The following SDCCAG8 variants were observed in gnomAD, a reference collection of about 807,000 sequenced individuals.
SDCCAG8 encodes SHH signaling and ciliogenesis regulator SDCCAG8, also known as serologically defined colon cancer antigen 8.
Under a neutral mutation model 101.8 loss-of-function variants are expected in SDCCAG8, and 74 were observed. The observed-to-expected ratio is 0.73, with a 90% CI of 0.60 to 0.88. SDCCAG8 has a LOEUF of 0.88. Among genes scored for constraint, SDCCAG8 ranks in the 40% least tolerant of loss-of-function variants. The pLI is 0.00. For missense variants in SDCCAG8, 787 were observed against 822.6 expected (o/e 0.96, Z 0.53); for synonymous variants, 281 against 292.9 (o/e 0.96, Z 0.41).
At chr1:243,447,775 A>C (rs1273009673) in intron 16 of SDCCAG8, among the ~76,000 whole-genome samples, 1 of 152,230 alleles carries the variant, frequency 6.6e-6, no homozygotes, top group Non-Finnish European at 1.5e-5. Flanking sequence ...TTAAAATTTA[A>C]GTTATAGTTC....
At chr1:243,308,254 AG>A in intron 8 of SDCCAG8, 77 bp downstream of exon 8, 2 of 1,401,350 alleles carry the variant, frequency 1.4e-6, no homozygotes, top group Middle Eastern at 1.8e-4. Context: ...GTGTTCTTCT[AG>A]CCCTATGCTA....
intron 14 of SDCCAG8, among the ~76,000 whole-genome samples, chr1:243,417,109 T>C (rs1446366827): frequency 7.2e-5 from 11 of 152,194 alleles, no homozygotes; most frequent in Non-Finnish European, 1.6e-4. Flanking sequence ...ACTCACATAA[T>C]TCCCTCTATC....
At position 243,378,739 on chromosome 1, in the gene SDCCAG8, A is replaced by G. The variant is rs765529431; in HGVS notation, c.1492A>G (p.Ile498Val). 128 of 1,613,950 alleles carry G rather than the reference A, an allele frequency of 7.9e-5. No individual in the cohort carries two copies. The highest frequency in any genetic ancestry group is 1.1e-4 in the Non-Finnish European group (124 of 1,179,968). Residue 498 changes from isoleucine to valine, a missense_variant, in exon 13 of 18, where the codon ATA becomes GTA. Coordinates refer to ENST00000366541, the MANE Select transcript of SDCCAG8 (RefSeq NM_006642.5). The part of the protein sequence containing the change: ...IKDQEIEKLR[I>V]ELDESKQHLE... ...ACCTAAGGAAATAGAGAAATTGAGA[A>G]TAGAACTGGATGAAAGCAAACAACA...
chr1:243,387,460 G>A (rs2078383132), intron 13 of SDCCAG8, among the ~76,000 whole-genome samples: 1 of 152,126 alleles, frequency 6.6e-6, no homozygotes, highest in Admixed American at 6.5e-5. Context: ...TCTCAGAGCA[G>A]GAATCTAAGT....
intron 16 of SDCCAG8, among the ~76,000 whole-genome samples, chr1:243,445,340 A>G (rs6702894): frequency 0.22 from 34,106 of 152,148 alleles, 3,980 homozygotes; most frequent in African/African-American, 0.26. Context: ...AAAGAATACA[A>G]GTAATGACTC....
At position 243,335,501 on chromosome 1, in the gene SDCCAG8, C is replaced by T. The variant is rs371904024; in HGVS notation, c.1221+4809C>T. 2.6e-4 allele frequency among the ~76,000 whole-genome samples: 39 copies of T among 152,242 alleles called. No homozygotes were observed. The South Asian group carries it at 6.6e-3, about 26-fold the overall frequency. ...AGAATTCCTGATAAGAAAGGAAAAACGAAGGCTGAAGTGTGCCTGGCAGTA... is the reference window on the plus strand; with the variant it reads ...AGAATTCCTGATAAGAAAGGAAAAATGAAGGCTGAAGTGTGCCTGGCAGTA... On this transcript the variant is annotated intron_variant, in intron 10 of 17. Transcript: ENST00000366541.
intron 1 of SDCCAG8, among the ~76,000 whole-genome samples, chr1:243,264,250 CT>C (rs2149253515): frequency 6.6e-6 from 1 of 152,290 alleles, no homozygotes; most frequent in South Asian, 2.1e-4. Flanking sequence ...TCAAAAACAT[CT>C]TGATGAAGAC....
At chr1:243,498,702 T>G (rs1232961346) in intron 17 of SDCCAG8, among the ~76,000 whole-genome samples, 1 of 152,256 alleles carries the variant, frequency 6.6e-6, no homozygotes, top group Non-Finnish European at 1.5e-5. Flanking sequence ...GTTTCACTCA[T>G]TGCCCTGTCT....
chr1:243,389,150 T>TCCC (rs373392073), intron 13 of SDCCAG8, among the ~76,000 whole-genome samples: 9 of 116,698 alleles, frequency 7.7e-5, no homozygotes, highest in African/African-American at 1.6e-4. Context: ...CTGTCCCCCC[T>TCCC]CCCCCCCCCA....
chr1:243,372,599 A>G (rs1261669310), intron 12 of SDCCAG8, among the ~76,000 whole-genome samples: 1 of 152,084 alleles, frequency 6.6e-6, no homozygotes, highest in Non-Finnish European at 1.5e-5. Context: ...TACTTAATTT[A>G]TGTAAAAAAT....
At position 243,465,350 on chromosome 1, in the gene SDCCAG8, C is replaced by T. The variant is rs188549626; in HGVS notation, c.1986-23664C>T. On this transcript the variant is annotated intron_variant, in intron 16 of 17. Transcript: ENST00000366541. ...ACAGGCCTGGAGCTGGAGGCAGTAGCGAGCCAGGAGAACCAGCGTGAAGAA... is the reference window on the plus strand; with the variant it reads ...ACAGGCCTGGAGCTGGAGGCAGTAGTGAGCCAGGAGAACCAGCGTGAAGAA... 2.0e-4 allele frequency among the ~76,000 whole-genome samples: 30 copies of T among 152,320 alleles called. 1 individual carries two copies. Among genetic ancestry groups the T allele is most frequent in the Admixed American group, 1.2e-3 (19 of 15,306 alleles).
chr1:243,468,938 A>G (rs1660688491), intron 16 of SDCCAG8, among the ~76,000 whole-genome samples: 1 of 152,206 alleles, frequency 6.6e-6, no homozygotes, highest in African/African-American at 2.4e-5. Flanking sequence ...TAATGATTGT[A>G]TGTTTATTTA....
rs550238551 is a variant in SDCCAG8 at position 243,256,648 on chromosome 1, C to T, written c.67+408C>T. Among the ~76,000 whole-genome samples the T allele has an allele frequency of 1.4e-4, 21 of 152,290 alleles. No homozygotes were observed. The South Asian group carries it at 3.9e-3, about 29-fold the overall frequency. ...GATTTATGGGATCAGTGGGGGGAAA[C>T]ACTAATAATTATTTTAATCACAAGA... is the stretch of plus-strand genomic sequence containing the variant. On this transcript the variant is annotated intron_variant, in intron 1 of 17. Coordinates refer to ENST00000366541, the MANE Select transcript of SDCCAG8 (RefSeq NM_006642.5).
intron 12 of SDCCAG8, among the ~76,000 whole-genome samples, chr1:243,349,881 G>C (rs975950240): frequency 6.6e-6 from 1 of 151,472 alleles, no homozygotes; most frequent in Non-Finnish European, 1.5e-5. Flanking sequence ...TGGAGTTGTG[G>C]CTACTACTGA....
intron 16 of SDCCAG8, among the ~76,000 whole-genome samples, chr1:243,481,414 T>A (rs2148229814): frequency 6.6e-6 from 1 of 152,298 alleles, no homozygotes; most frequent in East Asian, 1.9e-4. Context: ...GCTTCTCTCA[T>A]GCATAAAATG....
chr1:243,419,747 TA>T (rs1217971362), intron 15 of SDCCAG8, among the ~76,000 whole-genome samples: 1 of 152,194 alleles, frequency 6.6e-6, no homozygotes, highest in Non-Finnish European at 1.5e-5. Context: ...CATCTATTGC[TA>T]AAGAAAATTC....
intron 16 of SDCCAG8, among the ~76,000 whole-genome samples, chr1:243,482,150 G>A (rs1238929416): frequency 6.6e-6 from 1 of 152,210 alleles, no homozygotes; most frequent in East Asian, 1.9e-4. Context: ...GACCAGAGCT[G>A]GCAGCTTGCA....
chr1:243,393,872 G>A (rs1407630935), intron 13 of SDCCAG8, among the ~76,000 whole-genome samples: 1 of 152,142 alleles, frequency 6.6e-6, no homozygotes, highest in Non-Finnish European at 1.5e-5. Flanking sequence ...GCTCATTTAA[G>A]CTGTGTTTGA....
chr1:243,263,247 G>C, intron 1 of SDCCAG8, among the ~76,000 whole-genome samples: 1 of 152,082 alleles, frequency 6.6e-6, no homozygotes, highest in East Asian at 1.9e-4. Flanking sequence ...TCACAATTGG[G>C]GGTGGAGATG....
Sources: gnomAD v4.1 joint callset for allele counts (sites outside exome capture counted in the v4.1 genomes callset) on GRCh38, gnomAD v4.1.1 for gene constraint, MANE v1.5 for transcripts, NCBI Gene and HGNC (gene_info 2026-07-23, HGNC 2026-07-21) for gene names.